COLGALT1: variants seen among roughly 807,000 people sequenced by gnomAD.
COLGALT1 encodes the protein procollagen galactosyltransferase 1.
A neutral mutation model predicts 60.8 loss-of-function variants in COLGALT1; 43 were observed. That is an observed-to-expected ratio of 0.71 (90% CI 0.55 to 0.91). COLGALT1 has a LOEUF of 0.91. Ranked by LOEUF, COLGALT1 falls within the 40% of genes least tolerant of loss-of-function variation. The pLI is 0.00. For synonymous variants in COLGALT1, 369 were observed against 374.2 expected, an observed-to-expected ratio of 0.99 and a Z score of 0.16; for missense variants, 845 against 880.0, an observed-to-expected ratio of 0.96 and a Z score of 0.50.
In COLGALT1 at chr19:17,568,511, C is replaced by T. The variant is rs370577366; in HGVS notation, c.627C>T (p.Gly209=). ...SNFWCGMTSQ[G]YYKRTPAYIP... The stretch of plus-strand genomic sequence containing the variant: ...GAACTCTCGCTCTCTCCCCACAGGG[C>T]TACTACAAGCGCACACCTGCCTACA... The change falls in exon 5 of 12, where the codon GGC becomes GGT. Residue 209 remains glycine (G), a splice_region_variant and synonymous_variant. Transcript: ENST00000252599. The T allele has an allele frequency of 6.2e-7, 1 of 1,613,708 alleles. No individual in the cohort carries two copies. The highest frequency in any genetic ancestry group is 1.3e-5 in the African/African-American group (1 of 74,902).
rs770651241 is a variant in COLGALT1, at chr19:17,568,591, C to T, written c.707C>T (p.Ser236Leu). The T allele has an allele frequency of 1.2e-6, 2 of 1,614,214 alleles. No homozygotes were observed. Among genetic ancestry groups the T allele is most frequent in the South Asian group, 1.1e-5 (1 of 91,088 alleles). Residue 236 changes from serine to leucine, a missense_variant, in exon 5 of 12, where the codon TCG (serine) becomes TTG (leucine). Coordinates refer to ENST00000252599, the MANE Select transcript of COLGALT1 (RefSeq NM_024656.4). ...RGCFAVPMVH[S>L]TFLIDLRKAA... ...TGCTTTGCAGTTCCCATGGTGCACT[C>T]GACCTTCCTGATCGACCTGCGGAAG...
At chr19:17,578,212 A>T in intron 9 of COLGALT1, 123 bp downstream of exon 9, 16 of 1,072,380 alleles carry the variant, frequency 1.5e-5, no homozygotes, top group Non-Finnish European at 1.9e-5. Flanking sequence ...CAGCCATGGG[A>T]CCCATGGCCT....
intron 5 of COLGALT1, among the ~76,000 whole-genome samples, chr19:17,569,079 A>G (rs1008711761): frequency 2.0e-5 from 3 of 152,014 alleles, no homozygotes; most frequent in Non-Finnish European, 2.9e-5. Flanking sequence ...AAATACAAAA[A>G]TTAGCCGGAC....
chr19:17,580,585 A>G, intron 10 of COLGALT1, 114 bp from the exon 11 acceptor site: 1 of 977,466 alleles, frequency 1.0e-6, no homozygotes, highest in South Asian at 1.5e-5. Flanking sequence ...CTCTGCAAAC[A>G]TGCTGAGCCT....
At position 17,555,719 on chromosome 19, in the gene COLGALT1, G is replaced by A; in HGVS notation, c.6G>A (p.Ala2=). 3 of 1,192,088 alleles carry A rather than the reference G, an allele frequency of 2.5e-6. No homozygotes were observed. Among genetic ancestry groups the A allele is most frequent in the Non-Finnish European group, 3.1e-6 (3 of 963,240 alleles). 73.8% of individuals were successfully genotyped at this position (1,192,088 alleles called of 1,614,324 possible). Residue 2 remains alanine, a synonymous_variant, in exon 1 of 12, where the codon GCG becomes GCA. Transcript: ENST00000252599. ...TAAAGGAGACGCGTGGCGCGATGGC[G>A]GCGGCCCCACGCGCGGGCCGGCGGC... M[A]AAPRAGRRRG...
Position 17,581,303 on chromosome 19 carries a change from A to G in COLGALT1, c.1728A>G (p.Val576=), listed in dbSNP as rs767832523. The change falls in exon 12 of 12, where the codon GTA becomes GTG. Residue 576 remains valine, a synonymous_variant. Transcript: ENST00000252599. ...GYVSDTETSV[V]WNNEHVKTDW... is the part of the protein sequence containing the mutation. ...TGAGTGACACCGAGACCTCAGTCGT[A>G]TGGAACAATGAGCACGTCAAGACCG... 43 of 1,613,174 alleles carry G rather than the reference A, an allele frequency of 2.7e-5. No homozygotes were observed. The highest frequency in any genetic ancestry group is 1.6e-4 in the South Asian group (15 of 91,056).
intron 6 of COLGALT1, among the ~76,000 whole-genome samples, chr19:17,575,488 A>G (rs2076335783): frequency 6.6e-6 from 1 of 152,082 alleles, no homozygotes; most frequent in African/African-American, 2.4e-5. Context: ...CTTGTGAGCC[A>G]CCTGCCTCGG....
intron 5 of COLGALT1, among the ~76,000 whole-genome samples, chr19:17,572,126 A>G (rs1353957007): frequency 6.6e-6 from 1 of 152,054 alleles, no homozygotes; most frequent in East Asian, 1.9e-4. Context: ...CCTGGCTAAC[A>G]TGATGAAACC....
rs2076205946 is a variant in COLGALT1 at position 17,555,729 on chromosome 19, CGCGCGGGCCGGCG to C, written c.25_37del (p.Arg9SerfsTer96). On this transcript the variant is annotated frameshift_variant, in exon 1 of 12. Transcript: ENST00000252599. LOFTEE classifies it high-confidence loss of function. Reference sequence around the variant, plus strand: ...GCGTGGCGCGATGGCGGCGGCCCCACGCGCGGGCCGGCGGCGCGGGCAGCCGCTCCTGGCGCTG... The same window carrying C: ...GCGTGGCGCGATGGCGGCGGCCCCACGCGCGGGCAGCCGCTCCTGGCGCTG... The C allele has an allele frequency of 1.7e-6, 2 of 1,198,516 alleles. No homozygotes were observed. Among genetic ancestry groups the C allele is most frequent in the Non-Finnish European group, 2.1e-6 (2 of 967,476 alleles). 74.2% of individuals were successfully genotyped at this position (1,198,516 alleles called of 1,614,324 possible). A position where few individuals can be genotyped will look rare whatever the true frequency, so the allele number is the denominator to read the frequency against.
rs1289192077 is a variant in COLGALT1, at chr19:17,578,051, C to T, written c.1228C>T (p.Leu410=). 6.8e-6 allele frequency: 11 copies of T among 1,611,938 alleles called. No individual in the cohort carries two copies. The highest frequency in any genetic ancestry group is 2.7e-5 in the African/African-American group (2 of 74,878). ...CGGCCGGCCCCTCACCAAGGGTGAGCTGGGCTGCTTCCTGAGCCACTACAA... is the reference window on the plus strand; with the variant it reads ...CGGCCGGCCCCTCACCAAGGGTGAGTTGGGCTGCTTCCTGAGCCACTACAA... ...YHGRPLTKGE[L]GCFLSHYNIW... Residue 410 remains leucine (L), a synonymous_variant, in exon 9 of 12, where the codon CTG becomes TTG. Transcript: ENST00000252599.
intron 10 of COLGALT1, chr19:17,580,446 C>G: frequency 1.8e-6 from 1 of 554,806 alleles, no homozygotes; most frequent in Non-Finnish European, 3.2e-6. Flanking sequence ...CAGAGAACGT[C>G]TGCGTGATCC....
At chr19:17,568,048 A>G (rs1272600454) in intron 4 of COLGALT1, among the ~76,000 whole-genome samples, 1 of 152,150 alleles carries the variant, frequency 6.6e-6, no homozygotes, top group Non-Finnish European at 1.5e-5. Context: ...GTCCCCCACC[A>G]TGCTATTCCA....
At position 17,581,476 on chromosome 19, in the gene COLGALT1, C is replaced by A; in HGVS notation, c.*32C>A. 3.1e-6 allele frequency: 5 copies of A among 1,589,318 alleles called. No individual in the cohort carries two copies. The highest frequency in any genetic ancestry group is 4.3e-6 in the Non-Finnish European group (5 of 1,171,824). On this transcript the variant is annotated 3_prime_UTR_variant, in exon 12 of 12. Coordinates refer to ENST00000252599, the MANE Select transcript of COLGALT1 (RefSeq NM_024656.4). The stretch of plus-strand genomic sequence containing the variant: ...GCAGCCAGAAAGCCAAAGCAGCCAT[C>A]GGTGGCCCAGGCTCCACGTGCTTAC...
chr19:17,575,223 G>A (rs955527807), intron 6 of COLGALT1, among the ~76,000 whole-genome samples: 1 of 151,660 alleles, frequency 6.6e-6, no homozygotes, highest in African/African-American at 2.4e-5. Flanking sequence ...CTAATTTTTT[G>A]TATTTTTATT....
rs1465812588 is a variant in COLGALT1 at position 17,555,778 on chromosome 19, T to C, written c.65T>C (p.Leu22Pro). 2.0e-5 allele frequency: 25 copies of C among 1,238,844 alleles called. 1 individual carries two copies. The highest frequency in any genetic ancestry group is 2.4e-5 in the Non-Finnish European group (24 of 992,068). 76.7% of individuals were successfully genotyped at this position (1,238,844 alleles called of 1,614,324 possible). The part of the protein sequence containing the change: ...GQPLLALLLL[L>P]LAPLPPGAPP... ...CCGCTCCTGGCGCTGCTGCTTCTGC[T>C]GCTGGCGCCACTGCCGCCGGGGGCC... Residue 22 changes from leucine (L) to proline (P), a missense_variant, in exon 1 of 12, where the codon CTG becomes CCG. Leu to Pro is a moderately conservative substitution (Grantham distance 98). Coordinates refer to ENST00000252599, the MANE Select transcript of COLGALT1 (RefSeq NM_024656.4).
intron 5 of COLGALT1, among the ~76,000 whole-genome samples, chr19:17,571,135 A>G (rs2076310206): frequency 6.6e-6 from 1 of 152,006 alleles, no homozygotes; most frequent in Admixed American, 6.6e-5. Flanking sequence ...AAATTAAAAG[A>G]GGCCGGGTGT....
Position 17,578,033 on chromosome 19 carries a change from C to G in COLGALT1, c.1210C>G (p.Pro404Ala), listed in dbSNP as rs1350013065. ...CTACCGGGACCCCTACCACGGCCGG[C>G]CCCTCACCAAGGGTGAGCTGGGCTG... ...PGYRDPYHGR[P>A]LTKGELGCFL... The change falls in exon 9 of 12, where the codon CCC becomes GCC. Residue 404 changes from proline (P) to alanine (A), a missense_variant. Physicochemically the swap from Pro to Ala is conservative, Grantham distance 27. Transcript: ENST00000252599. 1 of 1,610,872 alleles carries G rather than the reference C, an allele frequency of 6.2e-7. No homozygotes were observed. The highest frequency in any genetic ancestry group is 1.3e-5 in the African/African-American group (1 of 74,802).
intron 5 of COLGALT1, among the ~76,000 whole-genome samples, chr19:17,571,246 G>A (rs1239508180): frequency 5.3e-5 from 8 of 150,826 alleles, no homozygotes; most frequent in Non-Finnish European, 7.4e-5. Flanking sequence ...GGTGAAACCC[G>A]TCTCTGCTAA....
intron 1 of COLGALT1, among the ~76,000 whole-genome samples, chr19:17,558,467 C>T (rs1361513545): frequency 1.3e-5 from 2 of 148,848 alleles, no homozygotes; most frequent in African/African-American, 4.9e-5. Flanking sequence ...CACCTGAGGT[C>T]AGGAGTTCGA....
Sources: allele counts gnomAD v4.1 joint callset (sites outside exome capture counted in the v4.1 genomes callset), GRCh38; gene constraint gnomAD v4.1.1; transcripts MANE v1.5; gene names NCBI Gene and HGNC (gene_info 2026-07-23, HGNC 2026-07-21).